Variants in ESRRG observed in about 807,000 individuals in gnomAD.
ESRRG encodes estrogen-related receptor gamma.
Under a neutral mutation model 44.0 loss-of-function variants are expected in ESRRG, and 13 were observed. That is an observed-to-expected ratio of 0.30 (90% CI 0.19 to 0.47). ESRRG has a LOEUF of 0.47. Ranked by LOEUF, ESRRG falls within the 20% of genes least tolerant of loss-of-function variation. The pLI is 1.00. For missense variants in ESRRG, 395 were observed against 580.6 expected, an observed-to-expected ratio of 0.68 and a Z score of 3.29; for synonymous variants, 215 against 214.6, an observed-to-expected ratio of 1.00 and a Z score of -0.02.
chr1:216,544,762 T>A (rs1236818860), intron 5 of ESRRG, among the ~76,000 whole-genome samples: 1 of 151,914 alleles, frequency 6.6e-6, no homozygotes, highest in Non-Finnish European at 1.5e-5. Flanking sequence ...TTGTTTTGTT[T>A]TTGTAACATT....
At chr1:217,038,859 A>G (rs887587693) in intron 1 of ESRRG, among the ~76,000 whole-genome samples, 1 of 152,180 alleles carries the variant, frequency 6.6e-6, no homozygotes, top group African/African-American at 2.4e-5. Flanking sequence ...CAGGCTGCAA[A>G]TTTTCTGAAC....
At chr1:216,612,897 C>A (rs1212523814) in intron 3 of ESRRG, among the ~76,000 whole-genome samples, 2 of 152,186 alleles carry the variant, frequency 1.3e-5, no homozygotes, top group Admixed American at 1.3e-4. Flanking sequence ...AAGGGGAAAG[C>A]CAACTAAATA....
chr1:216,829,549 G>GTTTT (rs66515526), intron 2 of ESRRG, among the ~76,000 whole-genome samples: 9 of 135,632 alleles, frequency 6.6e-5, no homozygotes, highest in Non-Finnish European at 7.9e-5. Context: ...AAATGCCACA[G>GTTTT]TTTTTTTTTT....
At chr1:216,526,171 A>G (rs999639116) in intron 5 of ESRRG, among the ~76,000 whole-genome samples, 3 of 152,142 alleles carry the variant, frequency 2.0e-5, no homozygotes, top group African/African-American at 7.2e-5. Flanking sequence ...AGATCTGACT[A>G]CAACCAATGG....
At chr1:216,915,183 T>C (rs1364265884) in intron 2 of ESRRG, among the ~76,000 whole-genome samples, 1 of 152,136 alleles carries the variant, frequency 6.6e-6, no homozygotes, top group African/African-American at 2.4e-5. Context: ...GCAGCACACA[T>C]TCTGTGGTTA....
At chr1:216,559,036 A>G (rs1435852510) in intron 5 of ESRRG, among the ~76,000 whole-genome samples, 1 of 143,236 alleles carries the variant, frequency 7.0e-6, no homozygotes, top group African/African-American at 2.5e-5. Flanking sequence ...CATCCAGATA[A>G]TTTTTATACT....
upstream of ESRRG, among the ~76,000 whole-genome samples, chr1:217,092,244 A>G (rs1466305046): frequency 1.3e-5 from 2 of 152,312 alleles, no homozygotes; most frequent in African/African-American, 2.4e-5. Flanking sequence ...CATCCAAAAT[A>G]TAATAGTTAA....
intron 3 of ESRRG, among the ~76,000 whole-genome samples, chr1:216,645,839 T>A (rs1023224771): frequency 3.7e-5 from 5 of 135,252 alleles, no homozygotes; most frequent in African/African-American, 1.4e-4. Flanking sequence ...GCCACTGCAC[T>A]CTAGCCTAGG....
chr1:217,057,649 T>G (rs983740630), intron 1 of ESRRG, among the ~76,000 whole-genome samples: 1 of 151,776 alleles, frequency 6.6e-6, no homozygotes, highest in Non-Finnish European at 1.5e-5. Context: ...AATCTAATAA[T>G]AAATATAAAA....
At chr1:217,052,427 T>A (rs1018606416) in intron 1 of ESRRG, among the ~76,000 whole-genome samples, 11 of 152,120 alleles carry the variant, frequency 7.2e-5, no homozygotes, top group Non-Finnish European at 1.5e-4. Context: ...ATCAAAAGAA[T>A]CTCCATCTGT....
chr1:216,523,690 G>T (rs1436103142), intron 5 of ESRRG, among the ~76,000 whole-genome samples: 2 of 151,930 alleles, frequency 1.3e-5, no homozygotes, highest in African/African-American at 4.8e-5. Flanking sequence ...TGCAGTGCAG[G>T]CATTTGGGTT....
intron 5 of ESRRG, among the ~76,000 whole-genome samples, chr1:216,531,482 C>A (rs1558305120): frequency 6.6e-6 from 1 of 152,064 alleles, no homozygotes; most frequent in Non-Finnish European, 1.5e-5. Flanking sequence ...TTCTCATTGA[C>A]AATAGAGGCA....
intron 5 of ESRRG, among the ~76,000 whole-genome samples, chr1:216,533,578 G>A (rs1283222809): frequency 6.6e-6 from 1 of 152,096 alleles, no homozygotes; most frequent in Non-Finnish European, 1.5e-5. Context: ...AAGGGAAGTT[G>A]GGGAGTTCTA....
intron 2 of ESRRG, among the ~76,000 whole-genome samples, chr1:216,904,489 G>A (rs2059466213): frequency 6.6e-6 from 1 of 152,158 alleles, no homozygotes; most frequent in Non-Finnish European, 1.5e-5. Flanking sequence ...GTTATAAACA[G>A]AAACAGCTTC....
At chr1:216,782,358 T>C (rs1002989590) in intron 2 of ESRRG, among the ~76,000 whole-genome samples, 3 of 152,010 alleles carry the variant, frequency 2.0e-5, no homozygotes, top group Non-Finnish European at 2.9e-5. Context: ...ATAAGTATTT[T>C]CTCTCTGTCT....
intron 3 of ESRRG, among the ~76,000 whole-genome samples, chr1:216,646,327 C>T (rs542873780): frequency 2.6e-5 from 4 of 152,240 alleles, no homozygotes; most frequent in African/African-American, 7.2e-5. Context: ...AATTACATGA[C>T]CTTGGGTTGG....
At chr1:216,912,183 A>G (rs12744879) in intron 2 of ESRRG, among the ~76,000 whole-genome samples, 2,161 of 20,914 alleles carry the variant, frequency 0.1, 147 homozygotes, top group Middle Eastern at 0.17. Context: ...AAGAAAAGAA[A>G]AGGAGAGGAG....
chr1:217,085,481 A>ATTTTTTTTTTTTTTTTTTT (rs148354268), intron 1 of ESRRG, among the ~76,000 whole-genome samples: 2 of 49,130 alleles, frequency 4.1e-5, no homozygotes, highest in African/African-American at 1.8e-4. Flanking sequence ...TTTTCTTTTC[A>ATTTTTTTTTTTTTTTTTTT]TTTTTTTTTT....
chr1:217,135,988 G>T (rs1207136121), intron 1 of ESRRG, among the ~76,000 whole-genome samples: 1 of 152,154 alleles, frequency 6.6e-6, no homozygotes, highest in African/African-American at 2.4e-5. Context: ...TAGATTGGGA[G>T]AGAGAGATGA....
Sources: allele counts gnomAD v4.1 joint callset (sites outside exome capture counted in the v4.1 genomes callset), GRCh38; gene constraint gnomAD v4.1.1; transcripts MANE v1.5; gene names NCBI Gene and HGNC (gene_info 2026-07-23, HGNC 2026-07-21).